Variants in LMO7 observed in about 807,000 individuals in gnomAD.
LMO7 encodes LIM domain 7.
Under a neutral mutation model 206.5 loss-of-function variants are expected in LMO7, and 120 were observed. The ratio of observed to expected loss-of-function variants is 0.58; its 90% CI spans 0.50 to 0.68. LMO7 has a LOEUF of 0.68. Ranked by LOEUF, LMO7 falls within the 30% of genes least tolerant of loss-of-function variation. The pLI is 0.00. For synonymous variants in LMO7, 706 were observed against 681.5 expected (o/e 1.04, Z -0.56); for missense variants, 1,959 against 1,957.9 (o/e 1.00, Z -0.01).
upstream of LMO7, among the ~76,000 whole-genome samples, chr13:75,633,856 T>G (rs1342274049): frequency 6.9e-6 from 1 of 144,242 alleles, no homozygotes; most frequent in Non-Finnish European, 1.5e-5. Flanking sequence ...TTTTTTTTTT[T>G]TTTTTTTTTT....
rs1164087167 is a variant in LMO7, at chr13:75,700,929, C to A, written c.70-12253C>A. Among the ~76,000 whole-genome samples the A allele has an allele frequency of 2.0e-5, 3 of 152,204 alleles. No homozygotes were observed. In the East Asian group the frequency reaches 5.8e-4, roughly 29 times the overall value. ...GTAACTGCAACTACAGAAAGTGGAACCATGGAAGCAGACCACTGTACTTCA... is the reference window on the plus strand; with the variant it reads ...GTAACTGCAACTACAGAAAGTGGAAACATGGAAGCAGACCACTGTACTTCA... On this transcript the variant is annotated intron_variant, in intron 1 of 30. Transcript: ENST00000377534.
At chr13:75,831,181 A>T (rs1344750812) in intron 15 of LMO7, among the ~76,000 whole-genome samples, 1 of 152,180 alleles carries the variant, frequency 6.6e-6, no homozygotes, top group Non-Finnish European at 1.5e-5. Context: ...TTATGACTAC[A>T]TCTGCATTTC....
intron 11 of LMO7, among the ~76,000 whole-genome samples, chr13:75,815,181 T>G (rs1030957406): frequency 6.6e-6 from 1 of 152,162 alleles, no homozygotes; most frequent in Non-Finnish European, 1.5e-5. Context: ...ATTATAATAA[T>G]TGTAATAATC....
intron 20 of LMO7, among the ~76,000 whole-genome samples, chr13:75,839,261 T>C (rs1353093640): frequency 6.6e-6 from 1 of 152,220 alleles, no homozygotes; most frequent in Non-Finnish European, 1.5e-5. Flanking sequence ...GCAATTTCTC[T>C]TCCTTCTCTG....
intron 3 of LMO7, among the ~76,000 whole-genome samples, chr13:75,753,725 C>T (rs988475226): frequency 3.3e-5 from 5 of 152,150 alleles, no homozygotes; most frequent in Non-Finnish European, 7.4e-5. Context: ...GAGGTGTTTG[C>T]TTCCCTCTCC....
At chr13:75,731,915 C>A (rs1335613540) in intron 3 of LMO7, among the ~76,000 whole-genome samples, 1 of 152,038 alleles carries the variant, frequency 6.6e-6, no homozygotes, top group Non-Finnish European at 1.5e-5. Flanking sequence ...ATATGAAATT[C>A]TGGGTTGAAA....
chr13:75,660,247 A>G lies in LMO7; in HGVS notation c.69+23521A>G, dbSNP rs1168771562. ...TGCATTTTAGCAAGAGGGATTAAAAAAGTACACCTTAGCTGACATTGTATT... is the reference window on the plus strand; with the variant it reads ...TGCATTTTAGCAAGAGGGATTAAAAGAGTACACCTTAGCTGACATTGTATT... On this transcript the variant is annotated intron_variant, in intron 1 of 30. Coordinates refer to ENST00000377534, the MANE Select transcript of LMO7 (RefSeq NM_001306080.2). Among the ~76,000 whole-genome samples the G allele has an allele frequency of 2.6e-5, 4 of 152,238 alleles. No homozygotes were observed. In the East Asian group the frequency reaches 7.7e-4, roughly 29 times the overall value.
At chr13:75,836,509 C>A in intron 19 of LMO7, 52 bp downstream of exon 19, 2 of 913,502 alleles carry the variant, frequency 2.2e-6, no homozygotes, top group Non-Finnish European at 3.3e-6. Flanking sequence ...AGACATAGCA[C>A]TCAAGTTCTG....
Position 75,805,729 on chromosome 13 carries a change from A to C in LMO7, c.1165A>C (p.Lys389Gln), listed in dbSNP as rs1442594795. The C allele has an allele frequency of 6.2e-7, 1 of 1,613,854 alleles. No individual in the cohort carries two copies. The highest frequency in any genetic ancestry group is 1.3e-5 in the African/African-American group (1 of 74,924). ...GAAAAGAATAAAAAGGGAAACTTAT[A>C]AGCCATGGTATAAAGAATTTCAGGG... ...NWKRIKRETY[K>Q]PWYKEFQGFS... Residue 389 changes from lysine to glutamine, a missense_variant, in exon 9 of 31, where the codon AAG becomes CAG. Coordinates refer to ENST00000377534, the MANE Select transcript of LMO7 (RefSeq NM_001306080.2).
chr13:75,821,308 A>G lies in LMO7; in HGVS notation c.2339A>G (p.Glu780Gly), dbSNP rs145591276. Reference protein sequence around the residue: ...SEASYQSERVEEKGATYPSEI... With the variant: ...SEASYQSERVGEKGATYPSEI... The stretch of plus-strand genomic sequence containing the variant: ...GCAAGTTACCAGAGTGAGAGAGTAG[A>G]AGAGAAGGGAGCAACTTATCCTTCA... The change falls in exon 14 of 31, where the codon GAA (glutamate) becomes GGA (glycine). Residue 780 changes from glutamate to glycine, a missense_variant. Physicochemically the swap from Glu to Gly is moderately conservative, Grantham distance 98. Coordinates refer to ENST00000377534, the MANE Select transcript of LMO7 (RefSeq NM_001306080.2). 8.6e-4 allele frequency: 1,388 copies of G among 1,614,158 alleles called. 3 individuals are homozygous for G. Among genetic ancestry groups the G allele is most frequent in the Admixed American group, 1.2e-3 (73 of 60,024 alleles).
At chr13:75,736,636 C>G (rs903653930) in intron 3 of LMO7, among the ~76,000 whole-genome samples, 1 of 152,098 alleles carries the variant, frequency 6.6e-6, no homozygotes, top group Non-Finnish European at 1.5e-5. Flanking sequence ...GACGACAAGG[C>G]AAATAAATTA....
At chr13:75,661,156 GT>G (rs2038556874) in intron 1 of LMO7, among the ~76,000 whole-genome samples, 2 of 152,122 alleles carry the variant, frequency 1.3e-5, no homozygotes, top group South Asian at 4.1e-4. Context: ...AAATAGTGAT[GT>G]TTGCATAACT....
In LMO7 at chr13:75,781,741, T is replaced by C. The variant is rs867615568; in HGVS notation, c.318-13660T>C. 4.1e-4 allele frequency among the ~76,000 whole-genome samples: 62 copies of C among 152,074 alleles called. 1 individual carries two copies. Among genetic ancestry groups the C allele is most frequent in the Admixed American group, 1.3e-3 (20 of 15,234 alleles). On this transcript the variant is annotated intron_variant, in intron 4 of 30. Transcript: ENST00000377534. ...ATGGTTGAACTAGTTTACAGTCCCATCAACAGTGTAAAAGTGTTCCTATTT... is the reference window on the plus strand; with the variant it reads ...ATGGTTGAACTAGTTTACAGTCCCACCAACAGTGTAAAAGTGTTCCTATTT...
chr13:75,690,495 A>G (rs998961945), intron 1 of LMO7, among the ~76,000 whole-genome samples: 1 of 152,192 alleles, frequency 6.6e-6, no homozygotes, highest in Non-Finnish European at 1.5e-5. Context: ...TTTGGCACCA[A>G]TGTATTTGAA....
chr13:75,841,963 C>T lies in LMO7; in HGVS notation c.4011C>T (p.Val1337=), dbSNP rs2059583853. ...RQAEIERETS[V]RIYQYRRPVD... ...CAGAGATAGAGCGGGAAACATCAGT[C>T]AGAATATACCAGTACAGGAGGTATG... The change falls in exon 24 of 31, where the codon GTC becomes GTT. Residue 1337 remains valine (V), a synonymous_variant. Transcript: ENST00000377534. The T allele has an allele frequency of 6.2e-7, 1 of 1,611,174 alleles. No homozygotes were observed. Among genetic ancestry groups the T allele is most frequent in the African/African-American group, 1.3e-5 (1 of 74,928 alleles).
intron 4 of LMO7, among the ~76,000 whole-genome samples, chr13:75,762,219 G>A (rs1196165242): frequency 1.3e-5 from 2 of 152,128 alleles, no homozygotes; most frequent in South Asian, 2.1e-4. Context: ...AAATCTGCCT[G>A]CATTTCTGAC....
chr13:75,642,442 CAAAAAAAAAAA>C (rs5804829), intron 1 of LMO7, among the ~76,000 whole-genome samples: 1 of 72,360 alleles, frequency 1.4e-5, no homozygotes, highest in African/African-American at 5.4e-5. Context: ...CCATCTCTAC[CAAAAAAAAAAA>C]AAAAAAAAAA....
chr13:75,783,070 TC>T (rs1429207091), intron 4 of LMO7, among the ~76,000 whole-genome samples: 1 of 152,156 alleles, frequency 6.6e-6, no homozygotes, highest in Non-Finnish European at 1.5e-5. Context: ...CAAAATGGAA[TC>T]TTTTTCTGTA....
rs376161452 is a variant in LMO7 at position 75,805,687 on chromosome 13, C to G, written c.1123C>G (p.Pro375Ala). 6 of 1,613,766 alleles carry G rather than the reference C, an allele frequency of 3.7e-6. No individual in the cohort carries two copies. In the African/African-American group the frequency reaches 6.7e-5, roughly 18 times the overall value. The change falls in exon 9 of 31, where the codon CCA (proline) becomes GCA (alanine). Residue 375 changes from proline (P) to alanine (A), a missense_variant. Physicochemically the swap from Pro to Ala is conservative, Grantham distance 27 (BLOSUM62 -1). Coordinates refer to ENST00000377534, the MANE Select transcript of LMO7 (RefSeq NM_001306080.2). ...FDQFLPKCWT[P>A]EDVNWKRIKR... is the part of the protein sequence containing the mutation. ...TCAGTTTCTTCCCAAATGTTGGACC[C>G]CAGAAGATGTGAACTGGAAAAGAAT... is the stretch of plus-strand genomic sequence containing the variant.
Sources: gnomAD v4.1 joint callset for allele counts (sites outside exome capture counted in the v4.1 genomes callset) on GRCh38, gnomAD v4.1.1 for gene constraint, MANE v1.5 for transcripts, NCBI Gene and HGNC (gene_info 2026-07-23, HGNC 2026-07-21) for gene names.